The following TCFL5 variants were observed in gnomAD, a reference collection of about 807,000 sequenced individuals.
The protein encoded by TCFL5 is transcription factor-like 5 protein.
TCFL5 carries 9 observed loss-of-function variants against 44.3 expected under a neutral mutation model. The observed-to-expected ratio is 0.20, with a 90% CI of 0.12 to 0.35. The LOEUF is 0.35. Ranked by LOEUF, TCFL5 falls within the 10% of genes least tolerant of loss-of-function variation. The pLI is 1.00. For missense variants in TCFL5, 603 were observed against 613.4 expected (o/e 0.98, Z 0.18); for synonymous variants, 319 against 271.6 (o/e 1.17, Z -1.72).
At chr20:62,851,332 T>C (rs2063806788) in intron 5 of TCFL5, among the ~76,000 whole-genome samples, 1 of 152,232 alleles carries the variant, frequency 6.6e-6, no homozygotes, top group Non-Finnish European at 1.5e-5. Context: ...ACATAATGTA[T>C]GTAAAGTATC....
intron 5 of TCFL5, among the ~76,000 whole-genome samples, chr20:62,848,056 C>T (rs777430324): frequency 3.3e-5 from 5 of 152,176 alleles, no homozygotes; most frequent in African/African-American, 9.7e-5. Flanking sequence ...AGAAGGATCA[C>T]GGGAGAAGTC....
In TCFL5 at chr20:62,854,064, T is replaced by C. The variant is rs201241561; in HGVS notation, c.1332A>G (p.Thr444=). The C allele has an allele frequency of 1.6e-5, 26 of 1,614,046 alleles. No individual in the cohort carries two copies. The highest frequency in any genetic ancestry group is 2.7e-5 in the African/African-American group (2 of 74,942). ...TDKATTLQWT[T]AFLKYIQERH... ...TTTCCTGGATGTATTTCAGGAATGCTGTGGTCCACTGCAGAGTTGTGGCCT... is the reference window on the plus strand; with the variant it reads ...TTTCCTGGATGTATTTCAGGAATGCCGTGGTCCACTGCAGAGTTGTGGCCT... Residue 444 remains threonine (T), a synonymous_variant, in exon 5 of 6, where the codon ACA becomes ACG. Coordinates refer to ENST00000335351, the MANE Select transcript of TCFL5 (RefSeq NM_006602.4).
intron 5 of TCFL5, chr20:62,852,462 A>G (rs976834401): frequency 2.0e-6 from 2 of 985,334 alleles, no homozygotes; most frequent in African/African-American, 3.5e-5. Flanking sequence ...CTTTTAGGCC[A>G]CTGAGGGGCT....
rs1485046057 is a variant in TCFL5, at chr20:62,857,570, C to G, written c.1063G>C (p.Glu355Gln). The G allele has an allele frequency of 6.2e-7, 1 of 1,614,130 alleles. No homozygotes were observed. The highest frequency in any genetic ancestry group is 2.2e-5 in the East Asian group (1 of 44,902). The change falls in exon 4 of 6, where the codon GAG becomes CAG. Residue 355 changes from glutamate to glutamine, a missense_variant. Around this residue, in one of 4 missense-constraint regions of TCFL5, gnomAD observed 540 missense variants for 478.7 expected, o/e 1.13. Transcript: ENST00000335351. Reference protein sequence around the residue: ...SRMRQLDTNVERRALGEIQNV... With the variant: ...SRMRQLDTNVQRRALGEIQNV... ...TGAATCTCTCCAAGGGCTCTTCGCT[C>G]TACATTTGTGTCCAACTGACGCATT...
In TCFL5 at chr20:62,859,519, C is replaced by A. The variant is rs762449164; in HGVS notation, c.839G>T (p.Ser280Ile). 3.7e-5 allele frequency: 60 copies of A among 1,605,570 alleles called. No homozygotes were observed. The Admixed American group carries it at 1.1e-3, about 28-fold the overall frequency. The change falls in exon 3 of 6, where the codon AGT becomes ATT. Residue 280 changes from serine (S) to isoleucine (I), a missense_variant. This residue lies in a region of TCFL5 where 540 missense variants were observed against 478.7 expected (regional missense o/e 1.13). Transcript: ENST00000335351. The part of the protein sequence containing the change: ...NSNLSQTQSS[S>I]NSCSVLEAAK... ...AGCTTCAAGTACAGAACATGAGTTA[C>A]TAGAACTCTGGAAAAAAATGAAGCA...
At chr20:62,845,908 G>A in intron 5 of TCFL5, 1 of 1,523,736 alleles carries the variant, frequency 6.6e-7, no homozygotes, top group African/African-American at 1.4e-5. Context: ...TGAGTTAAAT[G>A]CTAAGGAAGC....
chr20:62,853,004 C>A, intron 5 of TCFL5: 1 of 1,283,690 alleles, frequency 7.8e-7, no homozygotes, highest in South Asian at 1.2e-5. Context: ...TTCACCCAGT[C>A]CGCAGAAGTA....
chr20:62,850,304 G>A (rs1478357535), intron 5 of TCFL5, among the ~76,000 whole-genome samples: 1 of 152,060 alleles, frequency 6.6e-6, no homozygotes, highest in African/African-American at 2.4e-5. Context: ...GTGAATCACT[G>A]ATGGCTGACG....
chr20:62,848,102 A>C (rs2063766449), intron 5 of TCFL5, among the ~76,000 whole-genome samples: 1 of 152,258 alleles, frequency 6.6e-6, no homozygotes, highest in Non-Finnish European at 1.5e-5. Context: ...GAGAAGGGAC[A>C]GGCCAGTCCG....
intron 5 of TCFL5, among the ~76,000 whole-genome samples, chr20:62,846,832 G>T (rs1457840613): frequency 1.3e-5 from 2 of 151,398 alleles, no homozygotes; most frequent in Non-Finnish European, 2.9e-5. Context: ...AATTTTCTTA[G>T]TAAGAAAAAA....
intron 5 of TCFL5, chr20:62,851,937 T>C (rs1289784863): frequency 1.4e-5 from 11 of 777,590 alleles, no homozygotes; most frequent in Admixed American, 1.3e-4. Context: ...ACCTCCTGAG[T>C]AGCTGGGACT....
chr20:62,841,907 T>C lies in TCFL5; in HGVS notation c.*68A>G. On this transcript the variant is annotated 3_prime_UTR_variant, in exon 6 of 6. Transcript: ENST00000335351. ...AGACTAGCCGAGCAGAGCTCCAGGGTTGCAGAAGGCGTGCACAGGTCACGA... is the reference window on the plus strand; with the variant it reads ...AGACTAGCCGAGCAGAGCTCCAGGGCTGCAGAAGGCGTGCACAGGTCACGA... 6.3e-7 allele frequency: 1 copy of C among 1,581,550 alleles called. No homozygotes were observed. Among genetic ancestry groups the C allele is most frequent in the Non-Finnish European group, 8.6e-7 (1 of 1,164,710 alleles).
At chr20:62,859,737 T>C (rs966750153) in intron 2 of TCFL5, among the ~76,000 whole-genome samples, 1 of 151,890 alleles carries the variant, frequency 6.6e-6, no homozygotes, top group Non-Finnish European at 1.5e-5. Flanking sequence ...GTTTTTTTTT[T>C]TGAGACAGGC....
intron 5 of TCFL5, chr20:62,851,362 C>A: frequency 4.9e-6 from 1 of 202,440 alleles, no homozygotes; most frequent in Non-Finnish European, 8.8e-6. Flanking sequence ...AACATTTGGT[C>A]TACTTAATCT....
At chr20:62,844,887 T>C in intron 5 of TCFL5, 6 of 984,392 alleles carry the variant, frequency 6.1e-6, no homozygotes, top group African/African-American at 1.8e-5. Flanking sequence ...GGAGCCACGG[T>C]TCCCAGTCTG....
At chr20:62,853,212 G>A (rs2063839381) in intron 5 of TCFL5, among the ~76,000 whole-genome samples, 1 of 131,544 alleles carries the variant, frequency 7.6e-6, no homozygotes, top group Non-Finnish European at 1.5e-5. Flanking sequence ...CCAGTCCACA[G>A]AAGTATATGC....
At chr20:62,850,386 C>T (rs1240757712) in intron 5 of TCFL5, among the ~76,000 whole-genome samples, 3 of 151,864 alleles carry the variant, frequency 2.0e-5, no homozygotes, top group African/African-American at 7.3e-5. Context: ...CCCAGAATGC[C>T]GAGATCCTGC....
rs2063694857 is a variant in TCFL5, at chr20:62,842,824, C to A, written c.1381-727G>T. ...CAAGTCAGGGGCATCTACCCCCACC[C>A]CAGGGCGACTGCCTTGCCCTCTGCA... is the stretch of plus-strand genomic sequence containing the variant. On this transcript the variant is annotated intron_variant, in intron 5 of 5. Transcript: ENST00000335351. The surrounding 1 kb of genome is among the most constrained non-coding windows in gnomAD (Gnocchi z 4.3). Among the ~76,000 whole-genome samples, 1 of 152,174 alleles carries A rather than the reference C, an allele frequency of 6.6e-6. No homozygotes were observed. The highest frequency in any genetic ancestry group is 6.5e-5 in the Admixed American group (1 of 15,282).
intron 5 of TCFL5, among the ~76,000 whole-genome samples, chr20:62,847,631 C>T (rs906727521): frequency 2.7e-4 from 41 of 152,342 alleles, no homozygotes; most frequent in African/African-American, 9.6e-4. Flanking sequence ...ACACAGCGTT[C>T]GGCTCATTCT....
Sources: allele counts gnomAD v4.1 joint callset (sites outside exome capture counted in the v4.1 genomes callset), GRCh38; gene constraint gnomAD v4.1.1; regional missense constraint gnomAD v4.1.1; non-coding constraint Gnocchi (gnomAD v3.1); transcripts MANE v1.5; gene names NCBI Gene and HGNC (gene_info 2026-07-23, HGNC 2026-07-21).